The following KLHDC1 variants were observed in gnomAD, a reference collection of about 807,000 sequenced individuals.
The protein encoded by KLHDC1 is kelch domain-containing protein 1.
KLHDC1 carries 53 observed loss-of-function variants against 68.3 expected under a neutral mutation model. That is an observed-to-expected ratio of 0.78 (90% CI 0.62 to 0.98). The LOEUF (loss-of-function observed/expected upper bound fraction) is 0.98. Ranked by LOEUF, KLHDC1 falls within the 50% of genes least tolerant of loss-of-function variation. The probability of loss-of-function intolerance (pLI) is 0.00; values close to 1 mark genes in which losing one functional copy is unlikely to be tolerated. For synonymous variants in KLHDC1, 148 were observed against 159.0 expected (o/e 0.93, Z 0.52); for missense variants, 470 against 492.3 (o/e 0.95, Z 0.43).
At chr14:49,741,137 ATAT>A (rs1355196864) in intron 11 of KLHDC1, among the ~76,000 whole-genome samples, 4 of 152,136 alleles carry the variant, frequency 2.6e-5, no homozygotes, top group African/African-American at 7.2e-5. Context: ...CATAAAAAGA[ATAT>A]TAATAATGTA....
At chr14:49,706,399 G>C (rs189570227) in intron 1 of KLHDC1, among the ~76,000 whole-genome samples, 19 of 152,202 alleles carry the variant, frequency 1.2e-4, no homozygotes, top group Admixed American at 1.1e-3. Flanking sequence ...GACACAAGTT[G>C]CTTCGAAATT....
chr14:49,711,156 C>A (rs1888189241), intron 4 of KLHDC1, among the ~76,000 whole-genome samples: 1 of 151,708 alleles, frequency 6.6e-6, no homozygotes, highest in Admixed American at 6.6e-5. Context: ...CCATGCCCGG[C>A]TAATTTTTGT....
chr14:49,733,731 T>G (rs1187696404), intron 9 of KLHDC1, among the ~76,000 whole-genome samples: 1 of 152,204 alleles, frequency 6.6e-6, no homozygotes, highest in East Asian at 1.9e-4. Flanking sequence ...ATTTTCTGTT[T>G]TCTTAACCCA....
chr14:49,720,877 GA>G (rs1196038335), intron 4 of KLHDC1, among the ~76,000 whole-genome samples: 2 of 152,080 alleles, frequency 1.3e-5, no homozygotes, highest in Admixed American at 1.3e-4. Context: ...CAAGTTCCAG[GA>G]AGGAAATTTT....
At chr14:49,695,414 A>G (rs894763981) in intron 1 of KLHDC1, among the ~76,000 whole-genome samples, 5 of 149,956 alleles carry the variant, frequency 3.3e-5, no homozygotes, top group Non-Finnish European at 7.4e-5. Flanking sequence ...TAGATCTCCC[A>G]TCAGAGCTCT....
In KLHDC1 at chr14:49,739,249, G is replaced by A. The variant is rs1324565524; in HGVS notation, c.897-849G>A. Among the ~76,000 whole-genome samples the A allele has an allele frequency of 2.6e-5, 4 of 152,196 alleles. No homozygotes were observed. The East Asian group carries it at 7.7e-4, about 29-fold the overall frequency. ...TAGATGATAAGCTTTTCTCATAGGG[G>A]AAGCAAGGGAATGAATTTAGCTAAG... On this transcript the variant is annotated intron_variant, in intron 10 of 12. Coordinates refer to ENST00000359332, the MANE Select transcript of KLHDC1 (RefSeq NM_172193.3).
At chr14:49,721,934 C>T (rs540811609) in intron 4 of KLHDC1, among the ~76,000 whole-genome samples, 1 of 152,266 alleles carries the variant, frequency 6.6e-6, no homozygotes, top group East Asian at 1.9e-4. Flanking sequence ...ATTTGGCATG[C>T]CCCTGAGGTG....
chr14:49,736,077 A>G (rs370329844), intron 10 of KLHDC1, among the ~76,000 whole-genome samples: 1 of 152,218 alleles, frequency 6.6e-6, no homozygotes, highest in African/African-American at 2.4e-5. Context: ...GAGTTGGACT[A>G]GATAATCTCT....
chr14:49,711,115 C>T (rs1888187721), intron 4 of KLHDC1, among the ~76,000 whole-genome samples: 1 of 152,202 alleles, frequency 6.6e-6, no homozygotes, highest in Admixed American at 6.5e-5. Context: ...GCCTCAGCCT[C>T]CTGAGTAGCT....
intron 12 of KLHDC1, among the ~76,000 whole-genome samples, chr14:49,745,606 T>G (rs79629571): frequency 1.5e-4 from 23 of 152,316 alleles, no homozygotes; most frequent in African/African-American, 5.5e-4. Context: ...TGTCTGTCTA[T>G]GATTAAGATG....
At chr14:49,717,554 C>T (rs1402312226) in intron 4 of KLHDC1, among the ~76,000 whole-genome samples, 1 of 152,040 alleles carries the variant, frequency 6.6e-6, no homozygotes, top group Non-Finnish European at 1.5e-5. Context: ...AAAAATGAGT[C>T]GTCTGTCTTT....
At chr14:49,720,413 C>T (rs527357765) in intron 4 of KLHDC1, among the ~76,000 whole-genome samples, 1 of 152,284 alleles carries the variant, frequency 6.6e-6, no homozygotes, top group South Asian at 2.1e-4. Context: ...ACCCACTGTG[C>T]CCAGTCTGGC....
intron 2 of KLHDC1, 113 bp from the exon 3 acceptor site, chr14:49,709,596 T>C (rs1594655094): frequency 1.9e-6 from 1 of 539,986 alleles, no homozygotes; most frequent in East Asian, 3.1e-5. Context: ...CATTACATTG[T>C]AACTGTAATT....
intron 1 of KLHDC1, among the ~76,000 whole-genome samples, chr14:49,699,800 C>G (rs557824867): frequency 2.6e-5 from 4 of 152,224 alleles, no homozygotes; most frequent in African/African-American, 7.2e-5. Flanking sequence ...TAATTGGTAT[C>G]AGAATATGAT....
intron 11 of KLHDC1, 93 bp downstream of exon 11, chr14:49,740,275 G>T: frequency 1.4e-6 from 1 of 692,882 alleles, no homozygotes; most frequent in Non-Finnish European, 2.5e-6. Context: ...TTCTAACATT[G>T]CAAAATATGA....
chr14:49,715,424 T>G (rs1189651810), intron 4 of KLHDC1, among the ~76,000 whole-genome samples: 1 of 151,498 alleles, frequency 6.6e-6, no homozygotes, highest in Non-Finnish European at 1.5e-5. Context: ...CCCGGCCTAC[T>G]TTATTATATT....
chr14:49,701,712 C>A (rs528590118), intron 1 of KLHDC1, among the ~76,000 whole-genome samples: 2 of 151,880 alleles, frequency 1.3e-5, no homozygotes, highest in Non-Finnish European at 2.9e-5. Context: ...CACCAGAAAA[C>A]GAGGAGGCAA....
intron 10 of KLHDC1, among the ~76,000 whole-genome samples, chr14:49,736,483 C>T (rs765952067): frequency 4.6e-5 from 7 of 152,028 alleles, no homozygotes; most frequent in Non-Finnish European, 7.4e-5. Context: ...GGCAGATCTA[C>T]AGGTATGAGG....
At position 49,702,018 on chromosome 14, in the gene KLHDC1, C is replaced by T. The variant is rs760248502; in HGVS notation, c.97-7141C>T. On this transcript the variant is annotated intron_variant, in intron 1 of 12. Coordinates refer to ENST00000359332, the MANE Select transcript of KLHDC1 (RefSeq NM_172193.3). ...ACCTCGTCTCTACTAAAAATACAAA[C>T]GTAACTGGGCATGGTGGCACATGCC... is the stretch of plus-strand genomic sequence containing the variant. Among the ~76,000 whole-genome samples, 15 of 151,526 alleles carry T rather than the reference C, an allele frequency of 9.9e-5. 1 individual carries two copies. Among genetic ancestry groups the T allele is most frequent in the South Asian group, 2.1e-4 (1 of 4,798 alleles).
Sources: allele counts gnomAD v4.1 joint callset (sites outside exome capture counted in the v4.1 genomes callset), GRCh38; gene constraint gnomAD v4.1.1; transcripts MANE v1.5; gene names NCBI Gene and HGNC (gene_info 2026-07-23, HGNC 2026-07-21).